Variants in SLC5A4 observed in about 807,000 individuals in gnomAD.
SLC5A4 encodes probable glucose sensor protein SLC5A4.
A neutral mutation model predicts 70.3 loss-of-function variants in SLC5A4; 55 were observed. The observed-to-expected ratio is 0.78, with a 90% CI of 0.63 to 0.98. SLC5A4 has a LOEUF of 0.98. Ranked by LOEUF, SLC5A4 falls within the 50% of genes least tolerant of loss-of-function variation. The probability of loss-of-function intolerance (pLI) is 0.00; values close to 1 mark genes in which losing one functional copy is unlikely to be tolerated. For synonymous variants in SLC5A4, 268 were observed against 305.7 expected (o/e 0.88, Z 1.29); for missense variants, 735 against 839.2 (o/e 0.88, Z 1.53).
the SLC5A4 span, among the ~76,000 whole-genome samples, chr22:32,338,228 A>T: frequency 6.6e-6 from 1 of 152,204 alleles, no homozygotes; most frequent in South Asian, 2.1e-4. Context: ...AACGTGGGGG[A>T]TAAATGTTGC....
the SLC5A4 span, among the ~76,000 whole-genome samples, chr22:32,335,044 C>T: frequency 1.3e-5 from 2 of 152,298 alleles, no homozygotes; most frequent in Admixed American, 1.3e-4. Flanking sequence ...GAGGCTGAAG[C>T]CAGGCCCATC....
chr22:32,259,467 T>G (rs748471124), upstream of SLC5A4, among the ~76,000 whole-genome samples: 2 of 152,234 alleles, frequency 1.3e-5, no homozygotes, highest in Non-Finnish European at 2.9e-5. Flanking sequence ...CACCAGGTGT[T>G]TTTTTCCTTT....
chr22:32,312,282 G>A, the SLC5A4 span, among the ~76,000 whole-genome samples: 1 of 151,684 alleles, frequency 6.6e-6, no homozygotes, highest in East Asian at 1.9e-4. Flanking sequence ...AAGGTAACCC[G>A]CGCCCATCAG....
the SLC5A4 span, among the ~76,000 whole-genome samples, chr22:32,310,734 T>C: frequency 1.3e-5 from 2 of 152,388 alleles, no homozygotes; most frequent in Admixed American, 1.3e-4. Flanking sequence ...TTGACCCGGC[T>C]GAGTCTGTCT....
intron 13 of SLC5A4, 147 bp from the exon 14 acceptor site, chr22:32,221,169 A>C: frequency 4.1e-6 from 2 of 490,192 alleles, no homozygotes; most frequent in Non-Finnish European, 7.3e-6. Flanking sequence ...GCCTCCTACC[A>C]CACTCACTCA....
the SLC5A4 span, among the ~76,000 whole-genome samples, chr22:32,309,683 G>C: frequency 6.6e-6 from 1 of 152,146 alleles, no homozygotes; most frequent in South Asian, 2.1e-4. Flanking sequence ...TCCACACCGA[G>C]TGTTCACACC....
chr22:32,309,903 G>T, the SLC5A4 span, among the ~76,000 whole-genome samples: 279 of 151,808 alleles, frequency 1.8e-3, 4 homozygotes, highest in African/African-American at 6.3e-3. Flanking sequence ...TGTGTGCTGG[G>T]TCTCGGTGAT....
At chr22:32,315,673 G>C in the SLC5A4 span, among the ~76,000 whole-genome samples, 1 of 151,740 alleles carries the variant, frequency 6.6e-6, no homozygotes, top group Non-Finnish European at 1.5e-5. Context: ...AGACCGTATG[G>C]TGAAAACTGA....
the SLC5A4 span, among the ~76,000 whole-genome samples, chr22:32,264,362 C>A: frequency 1.3e-5 from 2 of 151,942 alleles, no homozygotes; most frequent in Admixed American, 1.3e-4. Context: ...TCACTTGAGC[C>A]AGGGGTTCTA....
At chr22:32,316,366 T>C in the SLC5A4 span, among the ~76,000 whole-genome samples, 3 of 151,904 alleles carry the variant, frequency 2.0e-5, no homozygotes, top group Non-Finnish European at 4.4e-5. Flanking sequence ...GCAAAACATA[T>C]TGAATGAGAA....
At chr22:32,264,151 A>C in the SLC5A4 span, among the ~76,000 whole-genome samples, 1 of 152,068 alleles carries the variant, frequency 6.6e-6, no homozygotes, top group Non-Finnish European at 1.5e-5. Flanking sequence ...ACAAACCTGC[A>C]TGTTCTGCAT....
At chr22:32,319,132 G>A in the SLC5A4 span, among the ~76,000 whole-genome samples, 2 of 152,148 alleles carry the variant, frequency 1.3e-5, no homozygotes, top group Non-Finnish European at 2.9e-5. Flanking sequence ...TTAGACTCAG[G>A]GTGGGACTGA....
intron 5 of SLC5A4, 59 bp downstream of exon 5, chr22:32,247,352 A>T: frequency 1.1e-6 from 1 of 950,032 alleles, no homozygotes; most frequent in Admixed American, 1.7e-5. Flanking sequence ...TGATATTAGC[A>T]CTCTGGCCCC....
rs1925852220 is a variant in SLC5A4, at chr22:32,233,020, G to A, written c.900C>T (p.Arg300=). The A allele has an allele frequency of 1.2e-6, 2 of 1,613,608 alleles. No individual in the cohort carries two copies. Among genetic ancestry groups the A allele is most frequent in the South Asian group, 1.1e-5 (1 of 91,016 alleles). ...YWCTNQVIVQ[R]CLCGKDMSHV... ...GAGACATGTCCTTGCCACACAGGCAGCGCTGCACAATGACCTGCCGGGAGA... is the reference window on the plus strand; with the variant it reads ...GAGACATGTCCTTGCCACACAGGCAACGCTGCACAATGACCTGCCGGGAGA... The change falls in exon 9 of 15, where the codon CGC becomes CGT. Residue 300 remains arginine (R), a synonymous_variant. Transcript: ENST00000266086.
At chr22:32,308,485 C>T in the SLC5A4 span, among the ~76,000 whole-genome samples, 1 of 152,202 alleles carries the variant, frequency 6.6e-6, no homozygotes, top group Non-Finnish European at 1.5e-5. Flanking sequence ...GGCTCAGCCA[C>T]ACCCACAGCC....
chr22:32,239,239 C>A (rs1190457191), intron 5 of SLC5A4, 149 bp from the exon 6 acceptor site: 2 of 647,134 alleles, frequency 3.1e-6, no homozygotes, highest in Non-Finnish European at 5.4e-6. Flanking sequence ...CAGAGTAATA[C>A]CTTCCATAAA....
At chr22:32,282,861 C>T in the SLC5A4 span, among the ~76,000 whole-genome samples, 1 of 152,204 alleles carries the variant, frequency 6.6e-6, no homozygotes, top group African/African-American at 2.4e-5. Context: ...ATTGCCCCAG[C>T]GCATCCGGGA....
chr22:32,287,361 T>C, the SLC5A4 span, among the ~76,000 whole-genome samples: 10 of 152,198 alleles, frequency 6.6e-5, no homozygotes, highest in Admixed American at 2.0e-4. Flanking sequence ...CTAGAGAAGC[T>C]TAATGAAGAA....
chr22:32,282,122 T>G, the SLC5A4 span, among the ~76,000 whole-genome samples: 1 of 151,996 alleles, frequency 6.6e-6, no homozygotes, highest in African/African-American at 2.4e-5. Context: ...GGATTACAGG[T>G]GTGAGCCACG....
Sources: allele counts gnomAD v4.1 joint callset (sites outside exome capture counted in the v4.1 genomes callset), GRCh38; gene constraint gnomAD v4.1.1; transcripts MANE v1.5; gene names NCBI Gene and HGNC (gene_info 2026-07-23, HGNC 2026-07-21).